Variants in ERI3 observed in about 807,000 individuals in gnomAD.
ERI3 encodes ERI1 exoribonuclease family member 3, also known as ERI1 exoribonuclease 3.
In ERI3, 18 loss-of-function variants were observed where a neutral mutation model predicts 44.4. The observed-to-expected ratio is 0.41, with a 90% CI of 0.28 to 0.60. The LOEUF is 0.60. ERI3 is among the 20% of genes least tolerant of loss of function. The probability of loss-of-function intolerance (pLI) is 0.36; values close to 1 mark genes in which losing one functional copy is unlikely to be tolerated. For synonymous variants in ERI3, 183 were observed against 164.8 expected, an observed-to-expected ratio of 1.11 and a Z score of -0.84; for missense variants, 294 against 435.5, an observed-to-expected ratio of 0.68 and a Z score of 2.89.
At chr1:44,258,588 C>G (rs1644826004) in intron 7 of ERI3, among the ~76,000 whole-genome samples, 1 of 152,166 alleles carries the variant, frequency 6.6e-6, no homozygotes, top group Non-Finnish European at 1.5e-5. Context: ...CCACTGCCCT[C>G]AAGGAGCTCC....
intron 7 of ERI3, among the ~76,000 whole-genome samples, chr1:44,278,725 G>C (rs183072497): frequency 6.6e-6 from 1 of 151,974 alleles, no homozygotes; most frequent in Non-Finnish European, 1.5e-5. Flanking sequence ...TCAGCTTCCC[G>C]AGTAGCTAGG....
Position 44,325,206 on chromosome 1 carries a change from T to C in ERI3, c.490-5462A>G, listed in dbSNP as rs541652558. Among the ~76,000 whole-genome samples, 6 of 151,826 alleles carry C rather than the reference T, an allele frequency of 4.0e-5. No homozygotes were observed. The South Asian group carries it at 1.3e-3, about 32-fold the overall frequency. On this transcript the variant is annotated intron_variant, in intron 3 of 8. Transcript: ENST00000372257. ...AATTCTCCTGCCTCAGCCTCCCAAG[T>C]AGCTGGGATTACAGGCACCCGTGAC... is the stretch of plus-strand genomic sequence containing the variant.
chr1:44,319,085 G>A (rs1263720101), intron 4 of ERI3, among the ~76,000 whole-genome samples: 3 of 152,206 alleles, frequency 2.0e-5, no homozygotes. Flanking sequence ...GCCAAGTACA[G>A]TACCCACCTA....
chr1:44,353,032 T>C (rs990863141), intron 1 of ERI3, 107 bp from the exon 2 acceptor site: 14 of 1,565,326 alleles, frequency 8.9e-6, no homozygotes, highest in Non-Finnish European at 1.1e-5. Flanking sequence ...TCGGGATAAC[T>C]GCTATCTATG....
At chr1:44,321,209 C>T (rs1404263364) in intron 3 of ERI3, among the ~76,000 whole-genome samples, 1 of 152,052 alleles carries the variant, frequency 6.6e-6, no homozygotes, top group Non-Finnish European at 1.5e-5. Flanking sequence ...ACATCAGGAC[C>T]GAAAACCAAA....
intron 7 of ERI3, among the ~76,000 whole-genome samples, chr1:44,280,682 T>C (rs1264413511): frequency 1.3e-5 from 2 of 152,152 alleles, no homozygotes; most frequent in East Asian, 3.8e-4. Flanking sequence ...TGGTCTCCTG[T>C]ATCTGCTCTT....
chr1:44,275,909 T>C (rs1645172012), intron 7 of ERI3, among the ~76,000 whole-genome samples: 1 of 152,002 alleles, frequency 6.6e-6, no homozygotes, highest in Non-Finnish European at 1.5e-5. Context: ...GGTAATTTAT[T>C]TTAAAAAATC....
At chr1:44,279,807 T>G (rs1259545858) in intron 7 of ERI3, among the ~76,000 whole-genome samples, 1 of 152,210 alleles carries the variant, frequency 6.6e-6, no homozygotes, top group Non-Finnish European at 1.5e-5. Context: ...TCAGTGCTAC[T>G]ATAATACTCT....
intron 7 of ERI3, among the ~76,000 whole-genome samples, chr1:44,258,477 C>A (rs1056145017): frequency 2.0e-5 from 3 of 152,112 alleles, no homozygotes; most frequent in Admixed American, 6.5e-5. Context: ...GATCCCCCTC[C>A]CTCTTCATTA....
intron 7 of ERI3, among the ~76,000 whole-genome samples, chr1:44,270,379 A>G (rs940478583): frequency 4.6e-5 from 7 of 152,250 alleles, no homozygotes; most frequent in Non-Finnish European, 8.8e-5. Flanking sequence ...CCTTTCCTCA[A>G]GTGGCTTGTG....
chr1:44,292,994 G>A (rs1342419163), intron 6 of ERI3, among the ~76,000 whole-genome samples: 1 of 152,234 alleles, frequency 6.6e-6, no homozygotes, highest in Admixed American at 6.5e-5. Flanking sequence ...AAGGGAGCGG[G>A]AAGCCGACAG....
intron 7 of ERI3, among the ~76,000 whole-genome samples, chr1:44,272,662 C>T (rs1263980788): frequency 6.6e-6 from 1 of 151,744 alleles, no homozygotes; most frequent in Non-Finnish European, 1.5e-5. Context: ...GCCAACATGA[C>T]GAGACCCCAT....
At chr1:44,286,651 A>G (rs901771696) in intron 6 of ERI3, among the ~76,000 whole-genome samples, 2 of 152,186 alleles carry the variant, frequency 1.3e-5, no homozygotes, top group African/African-American at 4.8e-5. Context: ...ATCACACACA[A>G]GGACCTCACT....
intron 8 of ERI3, among the ~76,000 whole-genome samples, chr1:44,223,783 C>T (rs1011227493): frequency 3.3e-5 from 5 of 152,154 alleles, no homozygotes; most frequent in Non-Finnish European, 5.9e-5. Flanking sequence ...GGAGAGGGTC[C>T]CCACGTCCCA....
rs553418969 is a variant in ERI3 at position 44,231,288 on chromosome 1, CT to C, written c.932-9649del. Among the ~76,000 whole-genome samples, 38 of 151,704 alleles carry C rather than the reference CT, an allele frequency of 2.5e-4. No homozygotes were observed. The South Asian group carries it at 3.3e-3, about 13-fold the overall frequency. On this transcript the variant is annotated intron_variant, in intron 8 of 8. Coordinates refer to ENST00000372257, the MANE Select transcript of ERI3 (RefSeq NM_024066.3). ...TATGGATGCCTAACCTGTCTGTATA[CT>C]TTTTTTTTCACTCACTGAAACCTTA...
rs924049834 is a variant in ERI3 at position 44,235,741 on chromosome 1, G to A, written c.931+12198C>T. Among the ~76,000 whole-genome samples the A allele has an allele frequency of 6.6e-6, 1 of 152,152 alleles. No individual in the cohort carries two copies. The highest frequency in any genetic ancestry group is 2.4e-5 in the African/African-American group (1 of 41,442). On this transcript the variant is annotated intron_variant, in intron 8 of 8. Transcript: ENST00000372257. The surrounding 1 kb of genome is among the most constrained non-coding windows in gnomAD (Gnocchi z 4.6). ...CCCTTCTAGCATCTTGGTTTCCCCA[G>A]GACTTCACTGTGCCAGGAGACTGGC... is the stretch of plus-strand genomic sequence containing the variant.
chr1:44,252,577 T>C lies in ERI3; in HGVS notation c.832-4539A>G, dbSNP rs1003024477. On this transcript the variant is annotated intron_variant, in intron 7 of 8. Coordinates refer to ENST00000372257, the MANE Select transcript of ERI3 (RefSeq NM_024066.3). This position sits in a 1 kb window ranked among gnomAD's most constrained non-coding sequence, Gnocchi z 4.7. Reference sequence around the variant, plus strand: ...GCTGGGCCCGCGAAATGGAATCGTGTATAATCAGCCTCCTCCATGCACTGT... The same window carrying C: ...GCTGGGCCCGCGAAATGGAATCGTGCATAATCAGCCTCCTCCATGCACTGT... 2.6e-5 allele frequency among the ~76,000 whole-genome samples: 4 copies of C among 152,218 alleles called. No homozygotes were observed. Among genetic ancestry groups the C allele is most frequent in the African/African-American group, 9.7e-5 (4 of 41,444 alleles).
chr1:44,224,883 C>A (rs1643998077), intron 8 of ERI3, among the ~76,000 whole-genome samples: 1 of 152,186 alleles, frequency 6.6e-6, no homozygotes, highest in Non-Finnish European at 1.5e-5. Flanking sequence ...GAATGGCAGT[C>A]ATGGGCTTCT....
intron 6 of ERI3, among the ~76,000 whole-genome samples, chr1:44,288,825 C>T (rs576514674): frequency 3.3e-5 from 5 of 151,726 alleles, no homozygotes; most frequent in African/African-American, 1.2e-4. Flanking sequence ...TCAGTGGGTA[C>T]ATGGTTCCAC....
Sources: allele counts gnomAD v4.1 joint callset (sites outside exome capture counted in the v4.1 genomes callset), GRCh38; gene constraint gnomAD v4.1.1; non-coding constraint Gnocchi (gnomAD v3.1); transcripts MANE v1.5; gene names NCBI Gene and HGNC (gene_info 2026-07-23, HGNC 2026-07-21).